SNW1: variants seen among roughly 807,000 people sequenced by gnomAD.
The protein encoded by SNW1 is SNW domain-containing protein 1.
In SNW1, 9 loss-of-function variants were observed where a neutral mutation model predicts 75.6. That is an observed-to-expected ratio of 0.12 (90% confidence interval 0.07 to 0.21). SNW1 has a LOEUF of 0.21. SNW1 is among the 10% of genes least tolerant of loss of function. SNW1 has a pLI of 1.00. For missense variants in SNW1, 409 were observed against 670.9 expected (o/e 0.61, Z 4.31); for synonymous variants, 200 against 219.1 (o/e 0.91, Z 0.77).
At chr14:77,755,159 C>CAAGAT (rs149191999) in intron 1 of SNW1, 39 bp from the exon 2 acceptor site, 2 of 1,007,214 alleles carry the variant, frequency 2.0e-6, no homozygotes, top group Non-Finnish European at 2.8e-6. Context: ...ATTTAAAAAA[C>CAAGAT]TCTTATGTTT....
chr14:77,736,367 G>A (rs1167113051), intron 6 of SNW1, among the ~76,000 whole-genome samples: 1 of 152,066 alleles, frequency 6.6e-6, no homozygotes, highest in Non-Finnish European at 1.5e-5. Context: ...GGCTAACATG[G>A]TGAAACCCTG....
chr14:77,738,426 C>T (rs1201772184), intron 5 of SNW1, among the ~76,000 whole-genome samples: 1 of 151,916 alleles, frequency 6.6e-6, no homozygotes, highest in Non-Finnish European at 1.5e-5. Context: ...CTGAGCATCA[C>T]AGCGAGACCC....
chr14:77,740,031 G>A (rs1655250206), intron 3 of SNW1, among the ~76,000 whole-genome samples: 1 of 151,512 alleles, frequency 6.6e-6, no homozygotes, highest in African/African-American at 2.4e-5. Flanking sequence ...CTACTCGGGA[G>A]GCTGAGGCAG....
intron 8 of SNW1, among the ~76,000 whole-genome samples, chr14:77,734,736 CA>C (rs5809849): frequency 0.65 from 96,248 of 147,018 alleles, 31,061 homozygotes; most frequent in South Asian, 0.71. Context: ...GACTCCGTCT[CA>C]AAAAAAAAAA....
At position 77,730,969 on chromosome 14, in the gene SNW1, A is replaced by G. The variant is rs1385992264; in HGVS notation, c.1033+19T>C. ...TTGTTCACCAAGCAAAATTCAATTC[A>G]GTAATGAGAATGTCATACCTTTTTC... On this transcript the variant is annotated intron_variant, in intron 10 of 13. Coordinates refer to ENST00000261531, the MANE Select transcript of SNW1 (RefSeq NM_012245.3). 9 of 1,605,498 alleles carry G rather than the reference A, an allele frequency of 5.6e-6. No homozygotes were observed. The highest frequency in any genetic ancestry group is 7.6e-6 in the Non-Finnish European group (9 of 1,177,572).
At chr14:77,740,995 G>A (rs1174911081) in intron 3 of SNW1, among the ~76,000 whole-genome samples, 3 of 150,802 alleles carry the variant, frequency 2.0e-5, no homozygotes, top group Admixed American at 6.6e-5. Flanking sequence ...TACATGAGAC[G>A]CTGAGGCAGG....
At chr14:77,741,295 C>G (rs1021332736) in intron 3 of SNW1, among the ~76,000 whole-genome samples, 8 of 152,024 alleles carry the variant, frequency 5.3e-5, no homozygotes, top group Non-Finnish European at 8.8e-5. Flanking sequence ...TGGAGGATAG[C>G]TTGAGCCCAG....
chr14:77,717,732 C>T lies in SNW1; in HGVS notation c.*356G>A, dbSNP rs2080499980. On this transcript the variant is annotated 3_prime_UTR_variant, in exon 14 of 14. Coordinates refer to ENST00000261531, the MANE Select transcript of SNW1 (RefSeq NM_012245.3). ...GACAGTTCCAGTATGTGAACATCTT[C>T]CTCCTCACTGTGGTTGGGGTAACTT... 1 of 632,588 alleles carries T rather than the reference C, an allele frequency of 1.6e-6. No individual in the cohort carries two copies. Among genetic ancestry groups the T allele is most frequent in the South Asian group, 2.0e-5 (1 of 50,362 alleles). 39.2% of individuals were successfully genotyped at this position (632,588 alleles called of 1,614,324 possible). A position where few individuals can be genotyped will look rare whatever the true frequency, so the allele number is the denominator to read the frequency against.
chr14:77,749,081 G>A (rs2080787371), intron 3 of SNW1, among the ~76,000 whole-genome samples: 2 of 152,146 alleles, frequency 1.3e-5, no homozygotes, highest in African/African-American at 4.8e-5. Context: ...AGATACACTT[G>A]CCCTTGTAGA....
chr14:77,746,797 A>G (rs2080763571), intron 3 of SNW1, among the ~76,000 whole-genome samples: 1 of 152,366 alleles, frequency 6.6e-6, no homozygotes, highest in African/African-American at 2.4e-5. Context: ...TCAAAATTCC[A>G]TTCATGTAAA....
intron 8 of SNW1, among the ~76,000 whole-genome samples, chr14:77,734,720 G>C (rs1180343300): frequency 3.5e-5 from 5 of 144,192 alleles, no homozygotes; most frequent in African/African-American, 1.3e-4. Context: ...CCTAGTGACA[G>C]AGCGAGACTC....
At position 77,717,858 on chromosome 14, in the gene SNW1, A is replaced by G; in HGVS notation, c.*230T>C. 1 of 552,424 alleles carries G rather than the reference A, an allele frequency of 1.8e-6. No individual in the cohort carries two copies. Among genetic ancestry groups the G allele is most frequent in the African/African-American group, 1.9e-5 (1 of 53,488 alleles). The allele number at this position is 552,424 out of a possible 1,614,324, so 34.2% of individuals were successfully genotyped here. A position where few individuals can be genotyped will look rare whatever the true frequency, so the allele number is the denominator to read the frequency against. ...CTTTGTATGTGGGGCAGCATGTTCT[A>G]TAAATGCTGAAAGGTGGGAGAAGCA... On this transcript the variant is annotated 3_prime_UTR_variant, in exon 14 of 14. Coordinates refer to ENST00000261531, the MANE Select transcript of SNW1 (RefSeq NM_012245.3).
At chr14:77,738,242 A>G (rs1462544317) in intron 5 of SNW1, among the ~76,000 whole-genome samples, 1 of 152,108 alleles carries the variant, frequency 6.6e-6, no homozygotes, top group Non-Finnish European at 1.5e-5. Flanking sequence ...CAGAGGTTAC[A>G]GTGAGCCAAG....
In SNW1 at chr14:77,751,406, T is replaced by G; in HGVS notation, c.243A>C (p.Lys81Asn). 1 of 1,613,924 alleles carries G rather than the reference T, an allele frequency of 6.2e-7. No individual in the cohort carries two copies. Among genetic ancestry groups the G allele is most frequent in the Non-Finnish European group, 8.5e-7 (1 of 1,179,896 alleles). Residue 81 changes from lysine to asparagine, a missense_variant, in exon 3 of 14, where the codon AAA becomes AAC. Transcript: ENST00000261531. Reference protein sequence around the residue: ...QYPLDMGRKKKMSNALAIQVD... With the variant: ...QYPLDMGRKKNMSNALAIQVD... ...CCTGAATGGCCAGCGCATTCGACAT[T>G]TTTTTCTTTCGTCCCATATCCAGTG...
intron 11 of SNW1, among the ~76,000 whole-genome samples, chr14:77,721,488 A>G (rs970541345): frequency 1.3e-5 from 2 of 152,166 alleles, no homozygotes; most frequent in African/African-American, 2.4e-5. Flanking sequence ...CTATGTTGTC[A>G]ATTCTGATAG....
chr14:77,743,241 T>C (rs1296360899), intron 3 of SNW1, among the ~76,000 whole-genome samples: 2 of 149,822 alleles, frequency 1.3e-5, no homozygotes. Context: ...AAAAAAAAGA[T>C]TTATCACTTT....
chr14:77,751,849 A>ACACACACAC (rs1566836283), intron 2 of SNW1, among the ~76,000 whole-genome samples: 3 of 132,634 alleles, frequency 2.3e-5, no homozygotes, highest in South Asian at 2.5e-4. Flanking sequence ...CACACACCAC[A>ACACACACAC]CACACACACA....
At chr14:77,726,497 G>A (rs2080585637) in intron 10 of SNW1, among the ~76,000 whole-genome samples, 1 of 151,964 alleles carries the variant, frequency 6.6e-6, no homozygotes, top group Non-Finnish European at 1.5e-5. Context: ...CATTTTCTTT[G>A]TGGCGATCTT....
Position 77,717,819 on chromosome 14 carries a change from G to C in SNW1, c.*269C>G. On this transcript the variant is annotated 3_prime_UTR_variant, in exon 14 of 14. Transcript: ENST00000261531. Reference sequence around the variant, plus strand: ...CCCAAACTACTAGTGTCACATAAAAGTAAGTGGTCTTGACTTTGTATGTGG... The same window carrying C: ...CCCAAACTACTAGTGTCACATAAAACTAAGTGGTCTTGACTTTGTATGTGG... The C allele has an allele frequency of 1.7e-6, 1 of 573,166 alleles. No individual in the cohort carries two copies. The allele number at this position is 573,166 out of a possible 1,614,324, so 35.5% of individuals were successfully genotyped here.
Sources: gnomAD v4.1 joint callset for allele counts (sites outside exome capture counted in the v4.1 genomes callset) on GRCh38, gnomAD v4.1.1 for gene constraint, MANE v1.5 for transcripts, NCBI Gene and HGNC (gene_info 2026-07-23, HGNC 2026-07-21) for gene names.